The following DIP2C variants were observed in gnomAD, a reference collection of about 807,000 sequenced individuals.
DIP2C encodes disco-interacting protein 2 homolog C.
Under a neutral mutation model 192.4 loss-of-function variants are expected in DIP2C, and 33 were observed. That is an observed-to-expected ratio of 0.17 (90% CI 0.13 to 0.23). DIP2C has a LOEUF of 0.23. Ranked by LOEUF, DIP2C falls within the 10% of genes least tolerant of loss-of-function variation. The pLI is 1.00. For missense variants in DIP2C, 1,537 were observed against 2,110.1 expected, an observed-to-expected ratio of 0.73 and a Z score of 5.32; for synonymous variants, 979 against 864.1, an observed-to-expected ratio of 1.13 and a Z score of -2.33.
chr10:543,232 T>C (rs963689994), intron 1 of DIP2C, among the ~76,000 whole-genome samples: 1 of 152,246 alleles, frequency 6.6e-6, no homozygotes, highest in Non-Finnish European at 1.5e-5. Flanking sequence ...GAACCATGCT[T>C]CCCACTCGCC....
intron 9 of DIP2C, among the ~76,000 whole-genome samples, chr10:404,332 C>A (rs1379776934): frequency 3.3e-5 from 5 of 152,112 alleles, no homozygotes; most frequent in African/African-American, 1.2e-4. Context: ...CCTCAGCCTC[C>A]CGAATAGCTA....
intron 1 of DIP2C, among the ~76,000 whole-genome samples, chr10:511,090 C>G (rs1267946043): frequency 6.6e-6 from 1 of 152,248 alleles, no homozygotes; most frequent in Non-Finnish European, 1.5e-5. Context: ...GCTCAATACA[C>G]ACAGCCGTTT....
chr10:683,525 G>A (rs951362021), intron 1 of DIP2C, among the ~76,000 whole-genome samples: 1 of 152,200 alleles, frequency 6.6e-6, no homozygotes, highest in South Asian at 2.1e-4. Flanking sequence ...CCACAAGATA[G>A]AGTGGTCAGA....
chr10:577,343 A>G (rs1850234349), intron 1 of DIP2C, among the ~76,000 whole-genome samples: 1 of 152,256 alleles, frequency 6.6e-6, no homozygotes, highest in Non-Finnish European at 1.5e-5. Context: ...TACTGTAACT[A>G]GAAATAAAGG....
At chr10:577,654 T>A (rs1405462409) in intron 1 of DIP2C, among the ~76,000 whole-genome samples, 1 of 152,178 alleles carries the variant, frequency 6.6e-6, no homozygotes, top group Non-Finnish European at 1.5e-5. Context: ...AAGCCCTGCC[T>A]TCAAGGTGCT....
At chr10:499,931 C>T (rs1295468178) in intron 1 of DIP2C, among the ~76,000 whole-genome samples, 1 of 152,242 alleles carries the variant, frequency 6.6e-6, no homozygotes, top group East Asian at 1.9e-4. Flanking sequence ...CTGACTAGGA[C>T]TTATCTCCAG....
In DIP2C at chr10:423,810, C is replaced by T. The variant is rs117919551; in HGVS notation, c.395-777G>A. On this transcript the variant is annotated intron_variant, in intron 4 of 36. Coordinates refer to ENST00000280886, the MANE Select transcript of DIP2C (RefSeq NM_014974.3). Reference sequence around the variant, plus strand: ...GAGAGAAAGCAGAACGTGCCTCACGCGGAGCAGCCCCTCCACCTCCCCGTT... The same window carrying T: ...GAGAGAAAGCAGAACGTGCCTCACGTGGAGCAGCCCCTCCACCTCCCCGTT... Among the ~76,000 whole-genome samples, 888 of 152,312 alleles carry T rather than the reference C, an allele frequency of 5.8e-3. 4 individuals carry two copies. The highest frequency in any genetic ancestry group is 0.014 in the East Asian group (71 of 5,188).
chr10:289,164 G>T (rs998137193), intron 32 of DIP2C, among the ~76,000 whole-genome samples: 1 of 152,162 alleles, frequency 6.6e-6, no homozygotes, highest in Non-Finnish European at 1.5e-5. Context: ...GTGCTTGAAG[G>T]CTTGAAGATG....
intron 1 of DIP2C, among the ~76,000 whole-genome samples, chr10:547,707 C>A (rs758851589): frequency 5.9e-5 from 9 of 152,150 alleles, no homozygotes; most frequent in Non-Finnish European, 7.3e-5. Flanking sequence ...TGATGATGAC[C>A]ACGTGCTTTT....
chr10:280,532 T>C (rs1446634302), intron 36 of DIP2C, among the ~76,000 whole-genome samples: 1 of 152,244 alleles, frequency 6.6e-6, no homozygotes, highest in African/African-American at 2.4e-5. Context: ...CTTACGGCAC[T>C]CCAGCATCCA....
At chr10:611,894 G>A (rs1475535822) in intron 1 of DIP2C, among the ~76,000 whole-genome samples, 3 of 152,196 alleles carry the variant, frequency 2.0e-5, no homozygotes, top group Admixed American at 6.5e-5. Context: ...TGTAACTATG[G>A]TTTGTGCTGG....
At position 288,426 on chromosome 10, in the gene DIP2C, A is replaced by C. The variant is rs1564509855; in HGVS notation, c.3987-5T>G. The C allele has an allele frequency of 6.2e-7, 1 of 1,614,050 alleles. No homozygotes were observed. The highest frequency in any genetic ancestry group is 1.1e-5 in the South Asian group (1 of 91,044). ...CCTCTTTCCACTAAGCGGACTCTGC[A>C]AACAGAAAGAGAAAATATTCCTAGA... On this transcript the variant is annotated splice_polypyrimidine_tract_variant and splice_region_variant and intron_variant, in intron 32 of 36. Coordinates refer to ENST00000280886, the MANE Select transcript of DIP2C (RefSeq NM_014974.3).
intron 1 of DIP2C, among the ~76,000 whole-genome samples, chr10:595,495 T>A (rs1199706617): frequency 1.3e-5 from 2 of 152,086 alleles, no homozygotes; most frequent in Non-Finnish European, 2.9e-5. Context: ...CTCTTCTCAC[T>A]CAGGATTTGA....
chr10:640,986 A>G (rs1173516265), intron 1 of DIP2C, among the ~76,000 whole-genome samples: 1 of 152,186 alleles, frequency 6.6e-6, no homozygotes, highest in Non-Finnish European at 1.5e-5. Flanking sequence ...ATATGTTCCA[A>G]TTAACGTGAT....
At chr10:647,913 G>A (rs1002242537) in intron 1 of DIP2C, among the ~76,000 whole-genome samples, 11 of 150,226 alleles carry the variant, frequency 7.3e-5, no homozygotes, top group South Asian at 2.1e-4. Context: ...GAGAACAGAG[G>A]GAAACTGAAT....
intron 1 of DIP2C, among the ~76,000 whole-genome samples, chr10:662,479 G>T (rs183952593): frequency 6.4e-4 from 98 of 152,304 alleles, no homozygotes; most frequent in African/African-American, 2.3e-3. Context: ...CCACAGCTGG[G>T]CCCCGCGAGC....
intron 1 of DIP2C, among the ~76,000 whole-genome samples, chr10:499,396 A>G (rs1328530676): frequency 6.6e-6 from 1 of 152,178 alleles, no homozygotes; most frequent in Non-Finnish European, 1.5e-5. Flanking sequence ...AAGACTCTCT[A>G]ATTTATAAAG....
chr10:406,406 TC>T (rs1307010156), intron 9 of DIP2C, among the ~76,000 whole-genome samples: 2 of 152,230 alleles, frequency 1.3e-5, no homozygotes, highest in Admixed American at 1.3e-4. Context: ...TCTCCCCCAG[TC>T]CCTGGCACCT....
intron 5 of DIP2C, among the ~76,000 whole-genome samples, chr10:420,979 T>G (rs1966143314): frequency 6.6e-6 from 1 of 152,244 alleles, no homozygotes. Flanking sequence ...TTCCTGTTTG[T>G]AGGCTTCTGA....
Sources: allele counts gnomAD v4.1 joint callset (sites outside exome capture counted in the v4.1 genomes callset), GRCh38; gene constraint gnomAD v4.1.1; transcripts MANE v1.5; gene names NCBI Gene and HGNC (gene_info 2026-07-23, HGNC 2026-07-21).